ITGAL: variants seen among roughly 807,000 people sequenced by gnomAD.
ITGAL encodes integrin subunit alpha L.
In ITGAL, 68 loss-of-function variants were observed where a neutral mutation model predicts 138.4. The ratio of observed to expected loss-of-function variants is 0.49; its 90% CI spans 0.40 to 0.60. The LOEUF is 0.60. Among genes scored for constraint, ITGAL ranks in the 20% least tolerant of loss-of-function variants. ITGAL has a pLI of 0.00. For synonymous variants in ITGAL, 561 were observed against 584.3 expected (o/e 0.96, Z 0.57); for missense variants, 1,256 against 1,478.6 (o/e 0.85, Z 2.47).
Position 30,481,573 on chromosome 16 carries a change from C to T in ITGAL, c.711C>T (p.Ile237=), listed in dbSNP as rs2050560753. The T allele has an allele frequency of 1.2e-6, 2 of 1,613,674 alleles. No homozygotes were observed. Among genetic ancestry groups the T allele is most frequent in the African/African-American group, 1.3e-5 (1 of 75,016 alleles). The part of the protein sequence containing the change: ...MLLLTNTFGA[I]NYVATEVFRE... ...TGTTGACCAATACCTTTGGTGCCATCAATTATGTCGCGTGAGTTCCCTTTT... is the reference window on the plus strand; with the variant it reads ...TGTTGACCAATACCTTTGGTGCCATTAATTATGTCGCGTGAGTTCCCTTTT... Residue 237 remains isoleucine, a synonymous_variant, in exon 7 of 31, where the codon ATC becomes ATT. Transcript: ENST00000356798.
chr16:30,484,936 CA>C (rs995926645), intron 9 of ITGAL, among the ~76,000 whole-genome samples: 2 of 150,072 alleles, frequency 1.3e-5, no homozygotes, highest in African/African-American at 4.9e-5. Context: ...CAAAACAAAA[CA>C]AAAAAACAAA....
At chr16:30,474,101 A>G in intron 1 of ITGAL, 95 bp from the exon 2 acceptor site, 2 of 887,012 alleles carry the variant, frequency 2.3e-6, no homozygotes, top group Non-Finnish European at 3.6e-6. Context: ...TGGCCTGGGG[A>G]GCGACATCCG....
At chr16:30,478,171 T>A (rs1345776882) in intron 4 of ITGAL, among the ~76,000 whole-genome samples, 1 of 150,066 alleles carries the variant, frequency 6.7e-6, no homozygotes, top group South Asian at 2.1e-4. Context: ...CCGTCTCTAC[T>A]AAAAGTACAA....
At chr16:30,509,881 A>G (rs1188777412) in intron 21 of ITGAL, among the ~76,000 whole-genome samples, 1 of 151,948 alleles carries the variant, frequency 6.6e-6, no homozygotes, top group Non-Finnish European at 1.5e-5. Context: ...TCTACTAAAA[A>G]TACAAAAATT....
intron 11 of ITGAL, among the ~76,000 whole-genome samples, chr16:30,490,148 A>T (rs1475427824): frequency 6.9e-6 from 1 of 145,784 alleles, no homozygotes; most frequent in Non-Finnish European, 1.5e-5. Flanking sequence ...AATCGCTTGA[A>T]CCCAGGAGGC....
At chr16:30,474,364 G>A in intron 2 of ITGAL, 66 bp downstream of exon 2, 10 of 1,168,834 alleles carry the variant, frequency 8.6e-6, no homozygotes, top group East Asian at 2.6e-5. Flanking sequence ...GGCGGTGGCC[G>A]CCTCCCCGAC....
chr16:30,489,802 G>A, intron 11 of ITGAL, among the ~76,000 whole-genome samples: 1 of 152,048 alleles, frequency 6.6e-6, no homozygotes, highest in East Asian at 1.9e-4. Flanking sequence ...CAGGCATGGT[G>A]GCGCATGCCT....
intron 7 of ITGAL, among the ~76,000 whole-genome samples, chr16:30,482,077 T>G (rs2050569760): frequency 6.6e-6 from 1 of 151,962 alleles, no homozygotes; most frequent in Admixed American, 6.6e-5. Context: ...GTATTTTTAG[T>G]AGAGATAGGC....
chr16:30,519,374 C>T (rs1484358301), intron 29 of ITGAL, among the ~76,000 whole-genome samples: 1 of 151,326 alleles, frequency 6.6e-6, no homozygotes, highest in Non-Finnish European at 1.5e-5. Context: ...CACAGTGAGA[C>T]CTTATCTCAA....
At position 30,518,801 on chromosome 16, in the gene ITGAL, G is replaced by C. The variant is rs563816905; in HGVS notation, c.3228+82G>C. ...CCAGGGCAGACCTAGATGTGGGAGA[G>C]CTCCTGGGCTCTGTGCGAGTCAGAA... On this transcript the variant is annotated intron_variant, in intron 29 of 30. Transcript: ENST00000356798. 122 of 1,014,990 alleles carry C rather than the reference G, an allele frequency of 1.2e-4. No individual in the cohort carries two copies. In the East Asian group the frequency reaches 2.5e-3, roughly 21 times the overall value. The allele number at this position is 1,014,990 out of a possible 1,614,324, so 62.9% of individuals were successfully genotyped here. A position where few individuals can be genotyped will look rare whatever the true frequency, so the allele number is the denominator to read the frequency against.
At chr16:30,481,267 A>G in intron 6 of ITGAL, 172 bp from the exon 7 acceptor site, 1 of 505,772 alleles carries the variant, frequency 2.0e-6, no homozygotes, top group Non-Finnish European at 3.5e-6. Context: ...AATCGCTGGA[A>G]CCCGGGAGGC....
Position 30,496,564 on chromosome 16 carries a change from G to A in ITGAL, c.1830G>A (p.Leu610=), listed in dbSNP as rs2050803943. 1.2e-6 allele frequency: 2 copies of A among 1,612,192 alleles called. No individual in the cohort carries two copies. Among genetic ancestry groups the A allele is most frequent in the East Asian group, 4.5e-5 (2 of 44,866 alleles). ...GGGCTGAGAGCCAGATGATCGTGCT[G>A]AGGTGAGATGGGTCTCCCAGGTCAC... ...AVGAESQMIV[L]SSRPVVDMVT... The change falls in exon 15 of 31, where the codon CTG becomes CTA. Residue 610 remains leucine (L), a splice_region_variant and synonymous_variant. Coordinates refer to ENST00000356798, the MANE Select transcript of ITGAL (RefSeq NM_002209.3).
In ITGAL at chr16:30,496,141, C is replaced by T. The variant is rs2050795275; in HGVS notation, c.1548C>T (p.Tyr516=). ...EVSELQGDPG[Y]PLGRFGEAIT... is the part of the protein sequence containing the mutation. Reference sequence around the variant, plus strand: ...CAGAGCTGCAGGGGGACCCCGGCTACCCACTCGGGCGGTTTGGAGAAGCCA... The same window carrying T: ...CAGAGCTGCAGGGGGACCCCGGCTATCCACTCGGGCGGTTTGGAGAAGCCA... The change falls in exon 14 of 31, where the codon TAC becomes TAT. Residue 516 remains tyrosine (Y), a synonymous_variant. Transcript: ENST00000356798. 2.5e-6 allele frequency: 4 copies of T among 1,614,078 alleles called. No homozygotes were observed. The highest frequency in any genetic ancestry group is 1.7e-5 in the Admixed American group (1 of 60,002).
chr16:30,504,375 GCTGAAGTGGGTGGATCA>G (rs1285680430), intron 18 of ITGAL, 111 bp downstream of exon 18: 2 of 803,788 alleles, frequency 2.5e-6, no homozygotes, highest in African/African-American at 3.4e-5. Context: ...ACTTTGGGAG[GCTGAAGTGGGTGGATCA>G]CTTAAGGTCA....
rs1274747969 is a variant in ITGAL at position 30,505,232 on chromosome 16, C to T, written c.2236-12C>T. ...TCTCCTCTCTCCATCCTGCCCACTA[C>T]CCCTCGCTCAGCAGGGCAAGGACAT... On this transcript the variant is annotated splice_polypyrimidine_tract_variant and intron_variant, in intron 18 of 30. Coordinates refer to ENST00000356798, the MANE Select transcript of ITGAL (RefSeq NM_002209.3). 1.3e-6 allele frequency: 2 copies of T among 1,586,604 alleles called. No homozygotes were observed. Among genetic ancestry groups the T allele is most frequent in the Non-Finnish European group, 1.7e-6 (2 of 1,162,308 alleles).
rs530035052 is a variant in ITGAL, at chr16:30,505,568, C to T, written c.2366+106C>T. On this transcript the variant is annotated intron_variant, in intron 20 of 30. Transcript: ENST00000356798. The stretch of plus-strand genomic sequence containing the variant: ...GCAGACACCACTTCCCTCTCTTGGG[C>T]CTTAGTTTCCTTTTCTGAGAAATTT... 1.9e-5 allele frequency: 16 copies of T among 840,928 alleles called. No individual in the cohort carries two copies. In the South Asian group the frequency reaches 2.4e-4, roughly 13 times the overall value. The allele number at this position is 840,928 out of a possible 1,614,324, so 52.1% of individuals were successfully genotyped here.
chr16:30,489,230 C>T, intron 10 of ITGAL, 24 bp from the exon 11 acceptor site: 1 of 1,613,900 alleles, frequency 6.2e-7, no homozygotes, highest in South Asian at 1.1e-5. Flanking sequence ...GGTAGCTGAC[C>T]CGCTCATCTC....
At chr16:30,518,277 G>A (rs2051200183) in intron 28 of ITGAL, among the ~76,000 whole-genome samples, 1 of 151,650 alleles carries the variant, frequency 6.6e-6, no homozygotes, top group African/African-American at 2.4e-5. Context: ...GTGAAACCCT[G>A]TCTGTACTAA....
At chr16:30,506,952 G>A in intron 21 of ITGAL, 96 bp downstream of exon 21, 1 of 1,359,456 alleles carries the variant, frequency 7.4e-7, no homozygotes, top group South Asian at 1.3e-5. Flanking sequence ...TGAACACATG[G>A]GCAGCTGCGG....
Sources: allele counts gnomAD v4.1 joint callset (sites outside exome capture counted in the v4.1 genomes callset), GRCh38; gene constraint gnomAD v4.1.1; transcripts MANE v1.5; gene names NCBI Gene and HGNC (gene_info 2026-07-23, HGNC 2026-07-21).